The following DOP1B variants were observed in gnomAD, a reference collection of about 807,000 sequenced individuals.
DOP1B encodes the protein DOP1 leucine zipper like protein B.
In DOP1B, 174 loss-of-function variants were observed where a neutral mutation model predicts 233.5. The observed-to-expected ratio is 0.75, with a 90% CI of 0.66 to 0.85. The LOEUF (loss-of-function observed/expected upper bound fraction) is 0.85, where lower values mean the gene tolerates loss of function less well. DOP1B is among the 40% of genes least tolerant of loss of function. DOP1B has a pLI of 0.00. For synonymous variants in DOP1B, 1,190 were observed against 1,185.6 expected, an observed-to-expected ratio of 1.00 and a Z score of -0.08; for missense variants, 2,652 against 2,846.6, an observed-to-expected ratio of 0.93 and a Z score of 1.56.
intron 18 of DOP1B, among the ~76,000 whole-genome samples, chr21:36,240,189 A>T (rs2066877330): frequency 1.3e-5 from 2 of 152,316 alleles, no homozygotes; most frequent in South Asian, 4.1e-4. Context: ...TTATTAAAAA[A>T]GGAAAGTTGG....
Position 36,248,916 on chromosome 21 carries a change from C to G in DOP1B, c.4998+348C>G, listed in dbSNP as rs182291957. On this transcript the variant is annotated intron_variant, in intron 21 of 36. Coordinates refer to ENST00000691173, the MANE Select transcript of DOP1B (RefSeq NM_001320714.2). ...GGTCAGGAGTTCAAGAACAGCCTGGCCAACATGGTGAAACCCCATCTCTAC... is the reference window on the plus strand; with the variant it reads ...GGTCAGGAGTTCAAGAACAGCCTGGGCAACATGGTGAAACCCCATCTCTAC... 6.2e-3 allele frequency among the ~76,000 whole-genome samples: 943 copies of G among 151,928 alleles called. 12 individuals carry two copies. Among genetic ancestry groups the G allele is most frequent in the African/African-American group, 0.022 (906 of 41,414 alleles).
Position 36,223,036 on chromosome 21 carries a change from A to G in DOP1B, c.1251-195A>G, listed in dbSNP as rs140934913. 1.2e-3 allele frequency among the ~76,000 whole-genome samples: 189 copies of G among 152,334 alleles called. 2 individuals are homozygous for G. In the East Asian group the frequency reaches 0.032, roughly 26 times the overall value. ...CTGAAATTTATTTTTAAGAGACTGT[A>G]TCAATATAAATATTGTTTACGATGG... On this transcript the variant is annotated intron_variant, in intron 10 of 36. Coordinates refer to ENST00000691173, the MANE Select transcript of DOP1B (RefSeq NM_001320714.2).
At chr21:36,157,769 C>G (rs1307403524) in intron 1 of DOP1B, among the ~76,000 whole-genome samples, 1 of 152,142 alleles carries the variant, frequency 6.6e-6, no homozygotes, top group African/African-American at 2.4e-5. Flanking sequence ...GACTAAGGAT[C>G]ATTATCAATT....
intron 26 of DOP1B, among the ~76,000 whole-genome samples, chr21:36,267,391 A>G (rs1041434): frequency 0.29 from 44,161 of 152,112 alleles, 7,763 homozygotes; most frequent in East Asian, 0.58. Context: ...AGCGTGCTGC[A>G]ATGACTTGTG....
chr21:36,248,421 A>C lies in DOP1B; in HGVS notation c.4851A>C (p.Arg1617Ser). The change falls in exon 21 of 37, where the codon AGA (arginine) becomes AGC (serine). Residue 1617 changes from arginine (R) to serine (S), a missense_variant. Arg to Ser is a moderately radical substitution (Grantham distance 110). Transcript: ENST00000691173. ...ATCCTGCCAACTTGAGGAATGCCAG[A>C]AATGCCATTTTGGAAGAGCTGCCTC... ...AGDPANLRNA[R>S]NAILEELPRT... 1.2e-6 allele frequency: 2 copies of C among 1,613,976 alleles called. No homozygotes were observed. Among genetic ancestry groups the C allele is most frequent in the Non-Finnish European group, 8.5e-7 (1 of 1,179,902 alleles).
rs567104491 is a variant in DOP1B at position 36,263,229 on chromosome 21, C to T, written c.5316-317C>T. ...AGCCTGGGCAACAAAAGTAAATCTC[C>T]GTCTCACCAAAAAAAAAAAAAAAAA... is the stretch of plus-strand genomic sequence containing the variant. On this transcript the variant is annotated intron_variant, in intron 24 of 36. Coordinates refer to ENST00000691173, the MANE Select transcript of DOP1B (RefSeq NM_001320714.2). Among the ~76,000 whole-genome samples the T allele has an allele frequency of 3.1e-3, 372 of 121,200 alleles. 1 individual carries two copies. The highest frequency in any genetic ancestry group is 0.011 in the African/African-American group (325 of 30,790). 79.5% of individuals were successfully genotyped at this position (121,200 alleles called of 152,430 possible).
Position 36,247,516 on chromosome 21 carries a change from G to A in DOP1B, c.4698-1G>A, listed in dbSNP as rs1482628953. The A allele has an allele frequency of 6.3e-7, 1 of 1,592,786 alleles. No individual in the cohort carries two copies. Among genetic ancestry groups the A allele is most frequent in the East Asian group, 2.3e-5 (1 of 44,210 alleles). ...ACCAGTTTCTCTTTTCTTCACCACA[G>A]CACAACCTCCAAGAGGGAAAACATT... is the stretch of plus-strand genomic sequence containing the variant. On this transcript the variant is annotated splice_acceptor_variant, in intron 19 of 36. Coordinates refer to ENST00000691173, the MANE Select transcript of DOP1B (RefSeq NM_001320714.2). LOFTEE classifies it high-confidence loss of function.
chr21:36,225,110 C>T (rs571052055), intron 11 of DOP1B, among the ~76,000 whole-genome samples: 2 of 152,278 alleles, frequency 1.3e-5, no homozygotes, highest in African/African-American at 4.8e-5. Context: ...ATGTTAGATA[C>T]TTTTAGTCAC....
chr21:36,222,511 G>A (rs537278078), intron 10 of DOP1B, among the ~76,000 whole-genome samples: 1 of 151,398 alleles, frequency 6.6e-6, no homozygotes, highest in East Asian at 2.0e-4. Context: ...GCTTGAACCT[G>A]GGAGGCAGAG....
chr21:36,171,105 G>T (rs1031120926), intron 2 of DOP1B, among the ~76,000 whole-genome samples: 6 of 152,180 alleles, frequency 3.9e-5, no homozygotes, highest in Non-Finnish European at 7.3e-5. Flanking sequence ...AACCACTTGT[G>T]CAAGGCCACT....
chr21:36,247,552 A>T lies in DOP1B; in HGVS notation c.4733A>T (p.Tyr1578Phe). The T allele has an allele frequency of 6.2e-7, 1 of 1,610,684 alleles. No homozygotes were observed. The highest frequency in any genetic ancestry group is 8.5e-7 in the Non-Finnish European group (1 of 1,179,162). ...AAGAGGGAAAACATTTCTCCAGATT[A>T]TCCACTCACCCTTCTAGAAGGTCTA... ...TSKRENISPD[Y>F]PLTLLEGLTT... Residue 1578 changes from tyrosine to phenylalanine, a missense_variant, in exon 20 of 37, where the codon TAT becomes TTT. Tyr to Phe is a conservative substitution (Grantham distance 22). Transcript: ENST00000691173.
chr21:36,236,319 G>C (rs776754575), intron 15 of DOP1B, among the ~76,000 whole-genome samples: 2 of 152,194 alleles, frequency 1.3e-5, no homozygotes, highest in Non-Finnish European at 2.9e-5. Context: ...ACGATTTGGG[G>C]GTATAATAGT....
chr21:36,163,525 C>T (rs145696807), intron 1 of DOP1B, among the ~76,000 whole-genome samples: 25 of 152,206 alleles, frequency 1.6e-4, no homozygotes, highest in African/African-American at 6.0e-4. Flanking sequence ...CTTCCATTTA[C>T]CATATTTGCC....
chr21:36,247,783 C>T (rs1335201007), intron 20 of DOP1B, among the ~76,000 whole-genome samples, 155 bp downstream of exon 20: 1 of 152,216 alleles, frequency 6.6e-6, no homozygotes, highest in African/African-American at 2.4e-5. Flanking sequence ...TTACATAAGT[C>T]ACGTACACAC....
At chr21:36,197,804 G>A (rs1027259939) in intron 2 of DOP1B, among the ~76,000 whole-genome samples, 1 of 151,314 alleles carries the variant, frequency 6.6e-6, no homozygotes, top group Non-Finnish European at 1.5e-5. Flanking sequence ...GAGGTCAGGA[G>A]TTCGAGACCA....
In DOP1B at chr21:36,245,322, T is replaced by C. The variant is rs145742304; in HGVS notation, c.3342T>C (p.Asp1114=). The change falls in exon 19 of 37, where the codon GAT becomes GAC. Residue 1114 remains aspartate, a synonymous_variant. Coordinates refer to ENST00000691173, the MANE Select transcript of DOP1B (RefSeq NM_001320714.2). This position sits in a 1 kb window ranked among gnomAD's most constrained non-coding sequence, Gnocchi z 5.5. ...PDSSEHTESA[D]TSSCHTDSEN... is the part of the protein sequence containing the mutation. ...GCAGCGAGCACACCGAGTCTGCAGA[T>C]ACAAGCTCCTGCCACACGGACAGCG... is the stretch of plus-strand genomic sequence containing the variant. The C allele has an allele frequency of 4.9e-5, 79 of 1,613,974 alleles. No individual in the cohort carries two copies. Among genetic ancestry groups the C allele is most frequent in the Non-Finnish European group, 5.8e-5 (69 of 1,180,044 alleles).
At position 36,270,118 on chromosome 21, in the gene DOP1B, G is replaced by A. The variant is rs760453611; in HGVS notation, c.5593G>A (p.Ala1865Thr). 6 of 1,614,034 alleles carry A rather than the reference G, an allele frequency of 3.7e-6. No individual in the cohort carries two copies. The African/African-American group carries it at 4.0e-5, about 11-fold the overall frequency. ...RNLEVKAQPQ[A>T]SLEESDAEED... ...CCTGGAAGTGAAGGCCCAACCTCAG[G>A]CCTCTCTAGAAGAATCTGATGCTGA... Residue 1865 changes from alanine (A) to threonine (T), a missense_variant, in exon 27 of 37, where the codon GCC (alanine) becomes ACC (threonine). Ala to Thr is a moderately conservative substitution (Grantham distance 58). Around this residue, in one of 3 missense-constraint regions of DOP1B, gnomAD observed 2,617 missense variants for 2,794.3 expected, o/e 0.94. Coordinates refer to ENST00000691173, the MANE Select transcript of DOP1B (RefSeq NM_001320714.2).
chr21:36,239,657 G>T, intron 17 of DOP1B, 108 bp from the exon 18 acceptor site: 1 of 1,277,622 alleles, frequency 7.8e-7, no homozygotes, highest in Non-Finnish European at 1.0e-6. Flanking sequence ...CTTGGGTGGA[G>T]GTCCTAGGGT....
chr21:36,192,360 A>G (rs1182108926), intron 2 of DOP1B, among the ~76,000 whole-genome samples: 1 of 151,606 alleles, frequency 6.6e-6, no homozygotes, highest in Non-Finnish European at 1.5e-5. Flanking sequence ...CACTGTCAAA[A>G]AAAAAAAACT....
Sources: allele counts gnomAD v4.1 joint callset (sites outside exome capture counted in the v4.1 genomes callset), GRCh38; gene constraint gnomAD v4.1.1; regional missense constraint gnomAD v4.1.1; non-coding constraint Gnocchi (gnomAD v3.1); transcripts MANE v1.5; gene names NCBI Gene and HGNC (gene_info 2026-07-23, HGNC 2026-07-21).